Variants in SPDEF observed in about 807,000 individuals in gnomAD.
SPDEF encodes the protein SAM pointed domain containing ETS transcription factor.
A neutral mutation model predicts 36.0 loss-of-function variants in SPDEF; 12 were observed. The observed-to-expected ratio is 0.33, with a 90% CI of 0.21 to 0.54. SPDEF has a LOEUF of 0.54. Among genes scored for constraint, SPDEF ranks in the 20% least tolerant of loss-of-function variants. The probability of loss-of-function intolerance (pLI) is 0.93; values close to 1 mark genes in which losing one functional copy is unlikely to be tolerated. For synonymous variants in SPDEF, 205 were observed against 193.0 expected, an observed-to-expected ratio of 1.06 and a Z score of -0.51; for missense variants, 388 against 456.9, an observed-to-expected ratio of 0.85 and a Z score of 1.37.
At position 34,541,380 on chromosome 6, in the gene SPDEF, C is replaced by T. The variant is rs1467203786; in HGVS notation, c.437-199G>A. Reference sequence around the variant, plus strand: ...GGGGCGAGAGGAAGGAACCAGGGCCCTAAAAAATGAACTTGGTTCAGGGCA... The same window carrying T: ...GGGGCGAGAGGAAGGAACCAGGGCCTTAAAAAATGAACTTGGTTCAGGGCA... On this transcript the variant is annotated intron_variant, in intron 2 of 5. Transcript: ENST00000374037. Among the ~76,000 whole-genome samples the T allele has an allele frequency of 3.3e-5, 5 of 152,148 alleles. No individual in the cohort carries two copies. In the South Asian group the frequency reaches 1.0e-3, roughly 32 times the overall value.
chr6:34,550,376 C>G (rs547573587), intron 1 of SPDEF, among the ~76,000 whole-genome samples: 1 of 152,218 alleles, frequency 6.6e-6, no homozygotes, highest in African/African-American at 2.4e-5. Flanking sequence ...GGACAGACCA[C>G]CCCGCTGCCC....
intron 2 of SPDEF, 80 bp from the exon 3 acceptor site, chr6:34,541,261 T>C: frequency 1.4e-6 from 2 of 1,389,074 alleles, no homozygotes; most frequent in Admixed American, 4.1e-5. Flanking sequence ...TGGGAACCTG[T>C]GGCCTGAGAC....
intron 1 of SPDEF, among the ~76,000 whole-genome samples, chr6:34,551,416 C>T (rs1768060057): frequency 2.0e-5 from 3 of 152,230 alleles, no homozygotes. Context: ...CTGCCCTGTT[C>T]CCTCCATAGG....
chr6:34,546,310 G>A (rs768435826), intron 1 of SPDEF, among the ~76,000 whole-genome samples: 6 of 152,162 alleles, frequency 3.9e-5, no homozygotes, highest in Non-Finnish European at 8.8e-5. Flanking sequence ...TGGGGGGAAG[G>A]CTTTAATCAA....
At chr6:34,547,912 C>A (rs1005329137) in intron 1 of SPDEF, among the ~76,000 whole-genome samples, 3 of 152,162 alleles carry the variant, frequency 2.0e-5, no homozygotes, top group Admixed American at 6.5e-5. Flanking sequence ...AGGAAAGGTT[C>A]GACTCTCTGC....
Position 34,539,178 on chromosome 6 carries a change from C to A in SPDEF, c.829+72G>T. ...CTCTGCCCGCCCCTGCCCCCATGCA[C>A]CGTGCCTGGCAGAAGCCCCCACAAC... On this transcript the variant is annotated intron_variant, in intron 5 of 5. Coordinates refer to ENST00000374037, the MANE Select transcript of SPDEF (RefSeq NM_012391.3). The surrounding 1 kb of genome is among the most constrained non-coding windows in gnomAD (Gnocchi z 5.2). 6.4e-7 allele frequency: 1 copy of A among 1,568,360 alleles called. No individual in the cohort carries two copies. Among genetic ancestry groups the A allele is most frequent in the East Asian group, 2.2e-5 (1 of 44,600 alleles).
At chr6:34,547,842 C>T (rs1305664718) in intron 1 of SPDEF, among the ~76,000 whole-genome samples, 1 of 152,162 alleles carries the variant, frequency 6.6e-6, no homozygotes, top group Non-Finnish European at 1.5e-5. Context: ...CACCAAGCCT[C>T]GGTCCTAGCT....
intron 1 of SPDEF, among the ~76,000 whole-genome samples, chr6:34,551,417 C>T (rs1261937746): frequency 1.3e-5 from 2 of 152,222 alleles, no homozygotes; most frequent in Non-Finnish European, 2.9e-5. Context: ...TGCCCTGTTC[C>T]CTCCATAGGA....
At chr6:34,541,289 G>GACCTATCCCCATCCCCAA in intron 2 of SPDEF, 108 bp from the exon 3 acceptor site, 3 of 1,161,714 alleles carry the variant, frequency 2.6e-6, no homozygotes, top group Non-Finnish European at 3.6e-6. Flanking sequence ...TCTTGGGGAT[G>GACCTATCCCCATCCCCAA]GGGATAGGTC....
Position 34,544,953 on chromosome 6 carries a change from C to T in SPDEF, c.-29-469G>A, listed in dbSNP as rs927069974. Among the ~76,000 whole-genome samples, 22 of 152,278 alleles carry T rather than the reference C, an allele frequency of 1.4e-4. No individual in the cohort carries two copies. Among genetic ancestry groups the T allele is most frequent in the Admixed American group, 3.3e-4 (5 of 15,302 alleles). ...CAAGGATAGGAGTGGAAGTGGCAGG[C>T]AGAGGCCACCATCCTAAAGGTGGCT... On this transcript the variant is annotated intron_variant, in intron 1 of 5. Transcript: ENST00000374037. This position sits in a 1 kb window ranked among gnomAD's most constrained non-coding sequence, Gnocchi z 4.4.
rs1476570785 is a variant in SPDEF at position 34,544,093 on chromosome 6, C to A, written c.363G>T (p.Gln121His). The A allele has an allele frequency of 1.2e-6, 2 of 1,613,592 alleles. No homozygotes were observed. The highest frequency in any genetic ancestry group is 3.3e-4 in the Middle Eastern group (2 of 6,050). ...GLTLEEHSLE[Q>H]VQSMVVGEVL... ...CTTCGCCCACCACCATGGACTGCAC[C>A]TGCTCCAGCGAGTGCTCCTCCAAGG... is the stretch of plus-strand genomic sequence containing the variant. The change falls in exon 2 of 6, where the codon CAG becomes CAT. Residue 121 changes from glutamine to histidine, a missense_variant. Around this residue, in one of 2 missense-constraint regions of SPDEF, gnomAD observed 308 missense variants for 326.1 expected, o/e 0.94. Coordinates refer to ENST00000374037, the MANE Select transcript of SPDEF (RefSeq NM_012391.3). The surrounding 1 kb of genome is among the most constrained non-coding windows in gnomAD (Gnocchi z 4.4).
At chr6:34,546,252 G>T (rs924593493) in intron 1 of SPDEF, among the ~76,000 whole-genome samples, 2 of 152,126 alleles carry the variant, frequency 1.3e-5, no homozygotes, top group Admixed American at 6.6e-5. Flanking sequence ...GGTGATTCTC[G>T]TGCATGTTCA....
In SPDEF at chr6:34,544,445, G is replaced by A. The variant is rs755382395; in HGVS notation, c.11C>T (p.Ala4Val). The change falls in exon 2 of 6, where the codon GCC becomes GTC. Residue 4 changes from alanine to valine, a missense_variant. By Grantham distance (64) the Ala-to-Val change is moderately conservative. Around this residue, in one of 2 missense-constraint regions of SPDEF, gnomAD observed 308 missense variants for 326.1 expected, o/e 0.94. Coordinates refer to ENST00000374037, the MANE Select transcript of SPDEF (RefSeq NM_012391.3). The surrounding 1 kb of genome is among the most constrained non-coding windows in gnomAD (Gnocchi z 4.4). ...GGATACGCTGCTCAGACCCGGGCTGGCGCTGCCCATGCCGCTGCTGTTTGG... is the reference window on the plus strand; with the variant it reads ...GGATACGCTGCTCAGACCCGGGCTGACGCTGCCCATGCCGCTGCTGTTTGG... MGS[A>V]SPGLSSVSPS... 41 of 1,551,826 alleles carry A rather than the reference G, an allele frequency of 2.6e-5. No individual in the cohort carries two copies. The African/African-American group carries it at 4.6e-4, about 17-fold the overall frequency.
Position 34,539,158 on chromosome 6 carries a change from C to G in SPDEF, c.829+92G>C. On this transcript the variant is annotated intron_variant, in intron 5 of 5. Coordinates refer to ENST00000374037, the MANE Select transcript of SPDEF (RefSeq NM_012391.3). This position sits in a 1 kb window ranked among gnomAD's most constrained non-coding sequence, Gnocchi z 5.2. ...GGTGGGGATCAGCTTCACCCCTCTG[C>G]CCGCCCCTGCCCCCATGCACCGTGC... The G allele has an allele frequency of 2.0e-6, 3 of 1,463,716 alleles. No homozygotes were observed. The Admixed American group carries it at 5.6e-5, about 27-fold the overall frequency. The allele number at this position is 1,463,716 out of a possible 1,614,324, so 90.7% of individuals were successfully genotyped here.
rs1768151930 is a variant in SPDEF at position 34,555,656 on chromosome 6, G to T, written c.-30+273C>A. On this transcript the variant is annotated intron_variant, in intron 1 of 5. Coordinates refer to ENST00000374037, the MANE Select transcript of SPDEF (RefSeq NM_012391.3). This position sits in a 1 kb window ranked among gnomAD's most constrained non-coding sequence, Gnocchi z 5.2. ...CGGCGGCCTCCCCTCAGGCTGGGCA[G>T]ACTGGGCTCAGTGTGGGGGACCCCA... Among the ~76,000 whole-genome samples the T allele has an allele frequency of 6.6e-6, 1 of 151,982 alleles. No homozygotes were observed. The highest frequency in any genetic ancestry group is 2.4e-5 in the African/African-American group (1 of 41,402).
At chr6:34,549,612 C>A (rs377421490) in intron 1 of SPDEF, among the ~76,000 whole-genome samples, 5 of 152,186 alleles carry the variant, frequency 3.3e-5, no homozygotes, top group African/African-American at 1.2e-4. Flanking sequence ...GGTCGCTGTG[C>A]GGGTTGGAGC....
rs763670929 is a variant in SPDEF at position 34,544,269 on chromosome 6, A to G, written c.187T>C (p.Phe63Leu). The change falls in exon 2 of 6, where the codon TTT becomes CTT. Residue 63 changes from phenylalanine to leucine, a missense_variant. By Grantham distance (22) the Phe-to-Leu change is conservative. Coordinates refer to ENST00000374037, the MANE Select transcript of SPDEF (RefSeq NM_012391.3). This position sits in a 1 kb window ranked among gnomAD's most constrained non-coding sequence, Gnocchi z 4.4. ...CTGTCCTCAGGGTACAGCATGTCAA[A>G]GTAGGAGAGGTAGAAGGCGGACAGG... ...QGLSAFYLSY[F>L]DMLYPEDSSW... The G allele has an allele frequency of 3.1e-6, 5 of 1,613,700 alleles. No homozygotes were observed. The Admixed American group carries it at 6.7e-5, about 22-fold the overall frequency.
At chr6:34,547,529 C>A (rs947741461) in intron 1 of SPDEF, among the ~76,000 whole-genome samples, 8 of 152,088 alleles carry the variant, frequency 5.3e-5, no homozygotes, top group African/African-American at 1.9e-4. Flanking sequence ...TCATGCCTGG[C>A]TAATTTTTAA....
chr6:34,546,992 A>ACC (rs564745272), intron 1 of SPDEF, among the ~76,000 whole-genome samples: 18 of 100,976 alleles, frequency 1.8e-4, no homozygotes, highest in East Asian at 5.8e-4. Flanking sequence ...ACCCCTGGGG[A>ACC]CCCCCCCCCG....
Sources: gnomAD v4.1 joint callset for allele counts (sites outside exome capture counted in the v4.1 genomes callset) on GRCh38, gnomAD v4.1.1 for gene constraint, gnomAD v4.1.1 regional missense constraint, Gnocchi (gnomAD v3.1) non-coding constraint, MANE v1.5 for transcripts, NCBI Gene and HGNC (gene_info 2026-07-23, HGNC 2026-07-21) for gene names.